Variants in RUNDC3B observed in about 807,000 individuals in gnomAD.
RUNDC3B encodes RUN domain-containing protein 3B.
A neutral mutation model predicts 58.4 loss-of-function variants in RUNDC3B; 33 were observed. The ratio of observed to expected loss-of-function variants is 0.56; its 90% CI spans 0.43 to 0.75. The LOEUF is 0.75. Ranked by LOEUF, RUNDC3B falls within the 30% of genes least tolerant of loss-of-function variation. RUNDC3B has a pLI of 0.00. For missense variants in RUNDC3B, 501 were observed against 535.7 expected, an observed-to-expected ratio of 0.94 and a Z score of 0.64; for synonymous variants, 193 against 195.2, an observed-to-expected ratio of 0.99 and a Z score of 0.10.
At position 87,717,349 on chromosome 7, in the gene RUNDC3B, G is replaced by A. The variant is rs911239311; in HGVS notation, c.458+6694G>A. Among the ~76,000 whole-genome samples the A allele has an allele frequency of 5.3e-5, 8 of 149,600 alleles. No individual in the cohort carries two copies. The South Asian group carries it at 8.4e-4, about 16-fold the overall frequency. On this transcript the variant is annotated intron_variant, in intron 4 of 10. Coordinates refer to ENST00000394654, the MANE Select transcript of RUNDC3B (RefSeq NM_001134405.2). Reference sequence around the variant, plus strand: ...AGAAAAACAAACAGAAAAAATAAAGGAACAATAAAGCAAAAAATAAACAAT... The same window carrying A: ...AGAAAAACAAACAGAAAAAATAAAGAAACAATAAAGCAAAAAATAAACAAT...
chr7:87,785,797 A>G (rs774615931), intron 8 of RUNDC3B, among the ~76,000 whole-genome samples: 1 of 152,140 alleles, frequency 6.6e-6, no homozygotes, highest in Non-Finnish European at 1.5e-5. Flanking sequence ...CTCATGTTCC[A>G]TGAACCCTTC....
chr7:87,762,524 G>T (rs190298796), intron 6 of RUNDC3B, among the ~76,000 whole-genome samples: 5 of 151,384 alleles, frequency 3.3e-5, no homozygotes, highest in Admixed American at 2.0e-4. Flanking sequence ...CTCTCCCCAA[G>T]AATTTGGGGA....
rs1820814978 is a variant in RUNDC3B, at chr7:87,628,398, G to C, written c.-426G>C. Reference sequence around the variant, plus strand: ...CTGCGCACGCGAGGCCGGGGGCCTTGCCGCTGCCTCCCGGGCTGGGGCACG... The same window carrying C: ...CTGCGCACGCGAGGCCGGGGGCCTTCCCGCTGCCTCCCGGGCTGGGGCACG... On this transcript the variant is annotated 5_prime_UTR_variant, in exon 1 of 11. Coordinates refer to ENST00000394654, the MANE Select transcript of RUNDC3B (RefSeq NM_001134405.2). 6.3e-6 allele frequency: 1 copy of C among 157,754 alleles called. No individual in the cohort carries two copies. The highest frequency in any genetic ancestry group is 2.4e-5 in the African/African-American group (1 of 41,684). 9.8% of individuals were successfully genotyped at this position (157,754 alleles called of 1,614,324 possible). A position where few individuals can be genotyped will look rare whatever the true frequency, so the allele number is the denominator to read the frequency against.
chr7:87,686,499 G>A (rs541283988), intron 2 of RUNDC3B, among the ~76,000 whole-genome samples: 1 of 152,228 alleles, frequency 6.6e-6, no homozygotes, highest in Admixed American at 6.5e-5. Context: ...ATTATTTATG[G>A]ACTGACTGGT....
chr7:87,707,099 T>C (rs374119031), intron 3 of RUNDC3B, among the ~76,000 whole-genome samples: 1 of 152,162 alleles, frequency 6.6e-6, no homozygotes, highest in Non-Finnish European at 1.5e-5. Context: ...TTTCTAGTAC[T>C]CTGACTGACT....
At chr7:87,732,023 C>A (rs1173677885) in intron 4 of RUNDC3B, among the ~76,000 whole-genome samples, 3 of 152,234 alleles carry the variant, frequency 2.0e-5, no homozygotes, top group Non-Finnish European at 4.4e-5. Context: ...ACAAAGCTAG[C>A]CTTAAAAATT....
At chr7:87,633,610 G>A (rs751327341) in intron 1 of RUNDC3B, among the ~76,000 whole-genome samples, 10 of 151,474 alleles carry the variant, frequency 6.6e-5, no homozygotes, top group Non-Finnish European at 1.5e-4. Flanking sequence ...ATTCTGACTT[G>A]CAGATTATAA....
intron 1 of RUNDC3B, among the ~76,000 whole-genome samples, chr7:87,631,540 G>A (rs1195270471): frequency 1.3e-5 from 2 of 152,084 alleles, no homozygotes; most frequent in African/African-American, 4.8e-5. Flanking sequence ...ACAGGCGCCC[G>A]CCACCACGCC....
chr7:87,748,193 C>T (rs1374834729), intron 6 of RUNDC3B, among the ~76,000 whole-genome samples: 1 of 152,160 alleles, frequency 6.6e-6, no homozygotes, highest in African/African-American at 2.4e-5. Context: ...GCTCGGCTCT[C>T]CAGATTGACT....
intron 2 of RUNDC3B, among the ~76,000 whole-genome samples, chr7:87,698,054 C>A (rs187903502): frequency 6.6e-5 from 10 of 152,296 alleles, no homozygotes; most frequent in Admixed American, 2.0e-4. Context: ...AGGGAGAAGT[C>A]TGTAGATTTC....
At chr7:87,677,600 T>C (rs1215485003) in intron 2 of RUNDC3B, among the ~76,000 whole-genome samples, 1 of 152,140 alleles carries the variant, frequency 6.6e-6, no homozygotes, top group Admixed American at 6.6e-5. Flanking sequence ...AGACCTATAT[T>C]GTGTACTTGA....
chr7:87,631,618 C>T (rs924428782), intron 1 of RUNDC3B, among the ~76,000 whole-genome samples: 8 of 152,232 alleles, frequency 5.3e-5, no homozygotes, highest in East Asian at 3.9e-4. Flanking sequence ...TGGTCTCGAT[C>T]TGCTGACCTC....
chr7:87,710,725 G>C lies in RUNDC3B; in HGVS notation c.458+70G>C, dbSNP rs1829998190. ...ACCTGAAGACTCAGAAATCAGAATA[G>C]GATGAAGAATCAATTTCTAAAATCC... On this transcript the variant is annotated intron_variant, in intron 4 of 10. Coordinates refer to ENST00000394654, the MANE Select transcript of RUNDC3B (RefSeq NM_001134405.2). 3.6e-6 allele frequency: 3 copies of C among 822,034 alleles called. No individual in the cohort carries two copies. The African/African-American group carries it at 5.3e-5, about 15-fold the overall frequency. 50.9% of individuals were successfully genotyped at this position (822,034 alleles called of 1,614,324 possible).
chr7:87,751,682 G>T (rs1211414317), intron 6 of RUNDC3B, among the ~76,000 whole-genome samples: 1 of 150,662 alleles, frequency 6.6e-6, no homozygotes, highest in African/African-American at 2.4e-5. Flanking sequence ...CTCTCTGTTT[G>T]TCTGTTGGTG....
chr7:87,745,580 G>T (rs1832599995), intron 6 of RUNDC3B, among the ~76,000 whole-genome samples: 1 of 152,144 alleles, frequency 6.6e-6, no homozygotes, highest in Non-Finnish European at 1.5e-5. Flanking sequence ...TCTCATCTAG[G>T]TTTTCTAGTT....
chr7:87,750,155 T>A (rs1276981359), intron 6 of RUNDC3B, among the ~76,000 whole-genome samples: 1 of 152,144 alleles, frequency 6.6e-6, no homozygotes, highest in South Asian at 2.1e-4. Flanking sequence ...TGCGATAGTT[T>A]ACTGAGAATG....
chr7:87,800,241 G>A (rs993644256), intron 8 of RUNDC3B, among the ~76,000 whole-genome samples: 1 of 152,172 alleles, frequency 6.6e-6, no homozygotes, highest in African/African-American at 2.4e-5. Context: ...GTAGAGGGGA[G>A]AGGATAACCT....
chr7:87,748,845 G>A (rs763349585), intron 6 of RUNDC3B, among the ~76,000 whole-genome samples: 5 of 152,288 alleles, frequency 3.3e-5, no homozygotes, highest in African/African-American at 9.6e-5. Flanking sequence ...TAATGACACC[G>A]TGATTTCTAA....
intron 8 of RUNDC3B, among the ~76,000 whole-genome samples, chr7:87,806,628 C>G (rs1413936683): frequency 6.6e-6 from 1 of 152,076 alleles, no homozygotes; most frequent in Non-Finnish European, 1.5e-5. Flanking sequence ...GAAATTTTGG[C>G]AGAAAGCAAA....
Sources: allele counts gnomAD v4.1 joint callset (sites outside exome capture counted in the v4.1 genomes callset), GRCh38; gene constraint gnomAD v4.1.1; transcripts MANE v1.5; gene names NCBI Gene and HGNC (gene_info 2026-07-23, HGNC 2026-07-21).